SLC6A17: variants seen among roughly 807,000 people sequenced by gnomAD.
SLC6A17 encodes sodium-dependent neutral amino acid transporter SLC6A17.
A neutral mutation model predicts 64.5 loss-of-function variants in SLC6A17; 21 were observed. The observed-to-expected ratio is 0.33, with a 90% CI of 0.23 to 0.47. SLC6A17 has a LOEUF of 0.47. SLC6A17 is among the 20% of genes least tolerant of loss of function. The pLI, the probability that SLC6A17 is intolerant of heterozygous loss-of-function variation, is 1.00. For synonymous variants in SLC6A17, 372 were observed against 399.5 expected (o/e 0.93, Z 0.82); for missense variants, 682 against 963.2 (o/e 0.71, Z 3.86).
Position 110,173,452 on chromosome 1 carries a change from TTG to T in SLC6A17, c.445-517_445-516del, listed in dbSNP as rs1557834289. Among the ~76,000 whole-genome samples the T allele has an allele frequency of 1.1e-4, 17 of 152,366 alleles. No homozygotes were observed. In the South Asian group the frequency reaches 3.3e-3, roughly 30 times the overall value. ...AATAAAATTCTACCAATGTTAGTTATTGTGTTTCCAAGAAATGACAAGTGCCA... is the reference window on the plus strand; with the variant it reads ...AATAAAATTCTACCAATGTTAGTTATTGTTTCCAAGAAATGACAAGTGCCA... On this transcript the variant is annotated intron_variant, in intron 3 of 11. Transcript: ENST00000331565.
At chr1:110,170,443 C>T (rs1656190506) in intron 2 of SLC6A17, among the ~76,000 whole-genome samples, 1 of 152,206 alleles carries the variant, frequency 6.6e-6, no homozygotes, top group Non-Finnish European at 1.5e-5. Flanking sequence ...GAGATCGCGC[C>T]ACTGCCCTCC....
In SLC6A17 at chr1:110,164,329, C is replaced by T. The variant is rs1319014756; in HGVS notation, c.-87-2514C>T. The stretch of plus-strand genomic sequence containing the variant: ...GTCTGACTCTGTCCCAGACAAGGCT[C>T]TGTTCAGGGTGTTAGGAGAACCTGA... On this transcript the variant is annotated intron_variant, in intron 1 of 11. Transcript: ENST00000331565. Among the ~76,000 whole-genome samples the T allele has an allele frequency of 2.6e-5, 4 of 152,362 alleles. No homozygotes were observed. In the East Asian group the frequency reaches 7.7e-4, roughly 29 times the overall value.
At chr1:110,190,993 A>G (rs1186069684) in intron 6 of SLC6A17, among the ~76,000 whole-genome samples, 1 of 152,116 alleles carries the variant, frequency 6.6e-6, no homozygotes, top group Non-Finnish European at 1.5e-5. Flanking sequence ...CCCCCGCAAA[A>G]CACAAAACAC....
intron 6 of SLC6A17, among the ~76,000 whole-genome samples, chr1:110,191,562 C>G (rs951888498): frequency 6.6e-6 from 1 of 152,168 alleles, no homozygotes; most frequent in Non-Finnish European, 1.5e-5. Flanking sequence ...GCTGTGCAAG[C>G]TGTTCACTGC....
intron 1 of SLC6A17, among the ~76,000 whole-genome samples, chr1:110,160,019 A>G (rs1466756857): frequency 6.6e-6 from 1 of 152,180 alleles, no homozygotes; most frequent in African/African-American, 2.4e-5. Flanking sequence ...AACCCGACAA[A>G]TCTGTGAAAT....
At chr1:110,171,000 C>A (rs973907338) in intron 2 of SLC6A17, among the ~76,000 whole-genome samples, 13 of 152,336 alleles carry the variant, frequency 8.5e-5, no homozygotes, top group African/African-American at 3.1e-4. Context: ...TCAGAGTGGA[C>A]CTGCAGTAAA....
chr1:110,155,019 C>T (rs905850250), intron 1 of SLC6A17, among the ~76,000 whole-genome samples: 1 of 152,162 alleles, frequency 6.6e-6, no homozygotes, highest in Non-Finnish European at 1.5e-5. Flanking sequence ...CACCTGATTC[C>T]TCCAGCTTCT....
intron 1 of SLC6A17, among the ~76,000 whole-genome samples, chr1:110,162,558 C>T (rs976291822): frequency 2.6e-5 from 4 of 152,094 alleles, no homozygotes; most frequent in African/African-American, 7.2e-5. Flanking sequence ...TACATGGGTA[C>T]GGGAAGAGAG....
intron 6 of SLC6A17, among the ~76,000 whole-genome samples, chr1:110,185,724 T>C (rs187255953): frequency 6.9e-4 from 105 of 152,150 alleles, no homozygotes; most frequent in African/African-American, 2.4e-3. Context: ...TGGCCGGGGG[T>C]TCATCCTCTG....
chr1:110,194,827 A>G lies in SLC6A17; in HGVS notation c.1492+56A>G, dbSNP rs575872682. 27 of 1,597,606 alleles carry G rather than the reference A, an allele frequency of 1.7e-5. 1 individual carries two copies. The South Asian group carries it at 3.0e-4, about 18-fold the overall frequency. ...CTGCAGGCTGCCCTTGTGGACAACAATTCCGTTCTGGCTTCTGACTGGGTC... is the reference window on the plus strand; with the variant it reads ...CTGCAGGCTGCCCTTGTGGACAACAGTTCCGTTCTGGCTTCTGACTGGGTC... On this transcript the variant is annotated intron_variant, in intron 9 of 11. Transcript: ENST00000331565.
At chr1:110,197,970 G>A in intron 11 of SLC6A17, 106 bp from the exon 12 acceptor site, 16 of 1,496,864 alleles carry the variant, frequency 1.1e-5, no homozygotes, top group East Asian at 4.5e-5. Flanking sequence ...TGGGAGGGGA[G>A]AGGAGTGGAA....
At chr1:110,174,352 G>A (rs1656316604) in intron 4 of SLC6A17, among the ~76,000 whole-genome samples, 2 of 152,172 alleles carry the variant, frequency 1.3e-5, no homozygotes, top group African/African-American at 4.8e-5. Context: ...TACTCACCCT[G>A]TTATTCCACT....
At chr1:110,156,829 A>C (rs570782460) in intron 1 of SLC6A17, among the ~76,000 whole-genome samples, 2 of 152,178 alleles carry the variant, frequency 1.3e-5, no homozygotes, top group African/African-American at 4.8e-5. Flanking sequence ...GTTTCTGATC[A>C]CTATTCCTTC....
chr1:110,194,908 T>A, intron 9 of SLC6A17, 137 bp downstream of exon 9: 1 of 1,068,456 alleles, frequency 9.4e-7, no homozygotes, highest in Non-Finnish European at 1.4e-6. Context: ...AGCTGGAGCC[T>A]GGCTGTGCCA....
intron 8 of SLC6A17, 45 bp from the exon 9 acceptor site, chr1:110,194,534 A>G (rs1423360106): frequency 1.3e-6 from 2 of 1,595,168 alleles, no homozygotes; most frequent in African/African-American, 2.7e-5. Context: ...TGGGCTCCCC[A>G]GGGAGGGGTG....
chr1:110,199,938 G>C lies in SLC6A17; in HGVS notation c.*1494G>C, dbSNP rs1657078811. 5.1e-6 allele frequency: 2 copies of C among 392,902 alleles called. No individual in the cohort carries two copies. The highest frequency in any genetic ancestry group is 9.0e-6 in the Non-Finnish European group (2 of 223,052). The allele number at this position is 392,902 out of a possible 1,614,324, so 24.3% of individuals were successfully genotyped here. The stretch of plus-strand genomic sequence containing the variant: ...GGATGGATGGATGGGTTGGGGGGTG[G>C]GGGTGGATGGATAGATGGATGGATG... On this transcript the variant is annotated 3_prime_UTR_variant, in exon 12 of 12. Coordinates refer to ENST00000331565, the MANE Select transcript of SLC6A17 (RefSeq NM_001010898.4).
chr1:110,153,486 G>T (rs573064407), intron 1 of SLC6A17, among the ~76,000 whole-genome samples: 1 of 144,822 alleles, frequency 6.9e-6, no homozygotes, highest in South Asian at 2.1e-4. Flanking sequence ...AAGAAGCCAT[G>T]CTGGCTCAGG....
chr1:110,153,519 A>ATTGTGTGTGTGTGTGTG (rs1655662222), intron 1 of SLC6A17, among the ~76,000 whole-genome samples: 3 of 137,228 alleles, frequency 2.2e-5, no homozygotes, highest in Admixed American at 7.3e-5. Context: ...GCTACTGGAA[A>ATTGTGTGTGTGTGTGTG]TGTGTGTGTG....
intron 1 of SLC6A17, among the ~76,000 whole-genome samples, chr1:110,155,376 T>G (rs1430982727): frequency 2.6e-5 from 4 of 152,224 alleles, no homozygotes; most frequent in African/African-American, 7.2e-5. Flanking sequence ...AAAATTCACA[T>G]GTAAGAACAT....
Sources: allele counts gnomAD v4.1 joint callset (sites outside exome capture counted in the v4.1 genomes callset), GRCh38; gene constraint gnomAD v4.1.1; transcripts MANE v1.5; gene names NCBI Gene and HGNC (gene_info 2026-07-23, HGNC 2026-07-21).